Variants in TPRG1 observed in about 807,000 individuals in gnomAD.
TPRG1 encodes the protein tumor protein p63 regulated 1, also known as tumor protein p63-regulated gene 1 protein.
In TPRG1, 29 loss-of-function variants were observed where a neutral mutation model predicts 29.3. That is an observed-to-expected ratio of 0.99 (90% CI 0.74 to 1.35). The LOEUF is 1.35. Among genes scored for constraint, TPRG1 ranks in the 40% most tolerant of loss-of-function variants. TPRG1 has a pLI of 0.00. For missense variants in TPRG1, 327 were observed against 335.0 expected (o/e 0.98, Z 0.19); for synonymous variants, 130 against 116.8 (o/e 1.11, Z -0.73).
At chr3:189,212,921 C>A (rs986842747) in intron 2 of TPRG1, among the ~76,000 whole-genome samples, 18 of 152,172 alleles carry the variant, frequency 1.2e-4, no homozygotes, top group African/African-American at 4.3e-4. Context: ...TTTCAAAATT[C>A]CCCCAGTAGG....
At chr3:189,268,133 A>C (rs1374093177) in intron 4 of TPRG1, among the ~76,000 whole-genome samples, 1 of 152,214 alleles carries the variant, frequency 6.6e-6, no homozygotes, top group Non-Finnish European at 1.5e-5. Context: ...CATCCTCAGC[A>C]AGGATCAAGT....
At chr3:189,030,760 A>T (rs1476905293) in intron 4 of TPRG1, among the ~76,000 whole-genome samples, 1 of 152,166 alleles carries the variant, frequency 6.6e-6, no homozygotes, top group East Asian at 1.9e-4. Flanking sequence ...ACCATATGTC[A>T]TGCTTCTTAA....
In TPRG1 at chr3:189,104,858, C is replaced by A. The variant is rs75253789; in HGVS notation, c.-744+4654C>A. On this transcript the variant is annotated intron_variant, in intron 1 of 6. Coordinates refer to the TPRG1 transcript ENST00000412373. ...TACCTTCATCTGCATAACTCCTCAA[C>A]CTTCAGGGTCTCCTCTGGCTCCATA... Among the ~76,000 whole-genome samples the A allele has an allele frequency of 2.3e-4, 35 of 152,192 alleles. 1 individual carries two copies. Among genetic ancestry groups the A allele is most frequent in the Non-Finnish European group, 4.7e-4 (32 of 67,984 alleles).
At chr3:189,073,501 CT>C (rs1248955385) in intron 4 of TPRG1, among the ~76,000 whole-genome samples, 1 of 152,058 alleles carries the variant, frequency 6.6e-6, no homozygotes, top group East Asian at 1.9e-4. Flanking sequence ...GAATAGGTAT[CT>C]TTTTTTCCCA....
intron 3 of TPRG1, among the ~76,000 whole-genome samples, chr3:189,147,400 C>T (rs1375103730): frequency 6.6e-6 from 1 of 152,210 alleles, no homozygotes; most frequent in Non-Finnish European, 1.5e-5. Flanking sequence ...CCCCTCCCTG[C>T]TCTCTACCTG....
chr3:189,116,160 A>C (rs1217635538), intron 1 of TPRG1, among the ~76,000 whole-genome samples: 1 of 152,176 alleles, frequency 6.6e-6, no homozygotes, highest in Non-Finnish European at 1.5e-5. Flanking sequence ...AATTGAAAAC[A>C]AGGTCTCGAA....
intron 4 of TPRG1, among the ~76,000 whole-genome samples, chr3:189,149,947 A>G (rs1468211900): frequency 1.3e-5 from 2 of 152,196 alleles, no homozygotes; most frequent in African/African-American, 2.4e-5. Flanking sequence ...CTACTTTAGC[A>G]TCGACTCTTG....
At chr3:189,165,532 A>G (rs890284891) in intron 5 of TPRG1, among the ~76,000 whole-genome samples, 1 of 151,896 alleles carries the variant, frequency 6.6e-6, no homozygotes, top group Non-Finnish European at 1.5e-5. Flanking sequence ...GGGCCTGGGC[A>G]TGTGCATTTT....
rs144082698 is a variant in TPRG1 at position 189,153,640 on chromosome 3, C to A, written c.-10+2768C>A. Among the ~76,000 whole-genome samples the A allele has an allele frequency of 2.9e-3, 445 of 152,246 alleles. 4 individuals are homozygous for A. Among genetic ancestry groups the A allele is most frequent in the East Asian group, 0.022 (112 of 5,162 alleles). On this transcript the variant is annotated intron_variant, in intron 5 of 6. Transcript: ENST00000412373. The stretch of plus-strand genomic sequence containing the variant: ...AGTGTGTAAACTGTTAGCTGCAGCA[C>A]CTGCCATAGCCGGGAGATGGGTATC...
At chr3:189,095,845 G>A (rs1342991928), upstream of TPRG1, among the ~76,000 whole-genome samples, 1 of 152,202 alleles carries the variant, frequency 6.6e-6, no homozygotes, top group Non-Finnish European at 1.5e-5. Flanking sequence ...GGTTGGGATA[G>A]AAGAAGCTCA....
intron 4 of TPRG1, among the ~76,000 whole-genome samples, chr3:189,079,047 G>A (rs957163500): frequency 4.6e-5 from 7 of 152,116 alleles, no homozygotes; most frequent in African/African-American, 7.2e-5. Context: ...TGCTCACATC[G>A]CATCTGCTTC....
intron 3 of TPRG1, among the ~76,000 whole-genome samples, chr3:189,234,315 A>G (rs1331560252): frequency 6.6e-6 from 1 of 152,232 alleles, no homozygotes; most frequent in Non-Finnish European, 1.5e-5. Flanking sequence ...CACTGATATC[A>G]AAAAGTTTAA....
intron 1 of TPRG1, among the ~76,000 whole-genome samples, chr3:189,197,735 AG>A (rs1732775826): frequency 6.6e-6 from 1 of 152,226 alleles, no homozygotes; most frequent in Non-Finnish European, 1.5e-5. Context: ...AGAACCCAAG[AG>A]ATCTGGATAT....
At chr3:189,070,807 G>GA (rs1716770413) in intron 4 of TPRG1, among the ~76,000 whole-genome samples, 1 of 151,990 alleles carries the variant, frequency 6.6e-6, no homozygotes, top group Non-Finnish European at 1.5e-5. Context: ...GCAATTACCT[G>GA]AAAAACATGG....
rs903815314 is a variant in TPRG1 at position 189,246,656 on chromosome 3, C to G, written c.479+7747C>G. ...CTATACATGAAAAATTACATTTTAG[C>G]ATTTCTTGTAGTATAATCTAGTGGT... On this transcript the variant is annotated intron_variant, in intron 4 of 5. Transcript: ENST00000345063. Among the ~76,000 whole-genome samples the G allele has an allele frequency of 2.8e-4, 42 of 152,186 alleles. No individual in the cohort carries two copies. In the South Asian group the frequency reaches 3.5e-3, roughly 13 times the overall value.
chr3:189,306,606 A>C (rs1428875597), intron 4 of TPRG1, among the ~76,000 whole-genome samples: 1 of 152,192 alleles, frequency 6.6e-6, no homozygotes, highest in African/African-American at 2.4e-5. Context: ...TGATCTGATT[A>C]AGTCTGGTGA....
intron 1 of TPRG1, among the ~76,000 whole-genome samples, chr3:189,123,287 C>T (rs991196327): frequency 1.3e-5 from 2 of 152,106 alleles, no homozygotes; most frequent in African/African-American, 4.8e-5. Flanking sequence ...GTACATGTTC[C>T]CTTTCTCTCC....
chr3:189,078,407 G>A (rs1578302574), intron 4 of TPRG1, among the ~76,000 whole-genome samples: 1 of 151,930 alleles, frequency 6.6e-6, no homozygotes, highest in Non-Finnish European at 1.5e-5. Context: ...AAAGTGCTGG[G>A]ATTACAGGTG....
chr3:189,289,702 T>C (rs1718676722), intron 4 of TPRG1, among the ~76,000 whole-genome samples: 1 of 152,222 alleles, frequency 6.6e-6, no homozygotes. Flanking sequence ...ATGAGATTAT[T>C]GTATCACCCT....
Sources: gnomAD v4.1 joint callset for allele counts (sites outside exome capture counted in the v4.1 genomes callset) on GRCh38, gnomAD v4.1.1 for gene constraint, MANE v1.5 for transcripts, NCBI Gene and HGNC (gene_info 2026-07-23, HGNC 2026-07-21) for gene names.